Variants in HSD17B12 observed in about 807,000 individuals in gnomAD.
HSD17B12 encodes the protein very-long-chain 3-oxoacyl-CoA reductase.
Under a neutral mutation model 39.3 loss-of-function variants are expected in HSD17B12, and 32 were observed. The ratio of observed to expected loss-of-function variants is 0.81; its 90% CI spans 0.61 to 1.09. The LOEUF (loss-of-function observed/expected upper bound fraction) is 1.09. Among genes scored for constraint, HSD17B12 ranks in the 50% least tolerant of loss-of-function variants. The pLI, the probability that HSD17B12 is intolerant of heterozygous loss-of-function variation, is 0.00. For missense variants in HSD17B12, 342 were observed against 382.9 expected (o/e 0.89, Z 0.89); for synonymous variants, 150 against 146.7 (o/e 1.02, Z -0.16).
chr11:43,638,930 G>A, the HSD17B12 span, among the ~76,000 whole-genome samples: 1 of 152,064 alleles, frequency 6.6e-6, no homozygotes, highest in Admixed American at 6.5e-5. Context: ...AGATTTAAGG[G>A]CTCCCCACTG....
the HSD17B12 span, among the ~76,000 whole-genome samples, chr11:43,655,831 A>G: frequency 1.3e-5 from 2 of 152,148 alleles, no homozygotes; most frequent in Non-Finnish European, 2.9e-5. Context: ...GGATTTTTGC[A>G]TCAATGTTCA....
At chr11:43,750,295 C>T (rs962073675) in intron 1 of HSD17B12, among the ~76,000 whole-genome samples, 2 of 152,092 alleles carry the variant, frequency 1.3e-5, no homozygotes, top group African/African-American at 4.8e-5. Context: ...ATTAGTTTTA[C>T]CTTTTCTTAA....
chr11:43,799,854 C>G (rs1162256236), intron 4 of HSD17B12, among the ~76,000 whole-genome samples: 2 of 152,128 alleles, frequency 1.3e-5, no homozygotes, highest in Non-Finnish European at 2.9e-5. Context: ...AGTACTGTTG[C>G]ACCTGGCTTT....
At chr11:43,707,647 G>A (rs959462936) in intron 1 of HSD17B12, among the ~76,000 whole-genome samples, 2 of 152,222 alleles carry the variant, frequency 1.3e-5, no homozygotes, top group African/African-American at 2.4e-5. Context: ...GGCAGCCATT[G>A]AATTGTGTAG....
At chr11:43,565,618 A>G in the HSD17B12 span, among the ~76,000 whole-genome samples, 1 of 152,198 alleles carries the variant, frequency 6.6e-6, no homozygotes, top group African/African-American at 2.4e-5. Context: ...TTTTCCTTTA[A>G]GGTACAGGAC....
chr11:43,648,307 T>C, the HSD17B12 span, among the ~76,000 whole-genome samples: 1 of 152,092 alleles, frequency 6.6e-6, no homozygotes, highest in African/African-American at 2.4e-5. Context: ...TAATAAGTCA[T>C]TCTTGTCATA....
At position 43,842,802 on chromosome 11, in the gene HSD17B12, G is replaced by A. The variant is rs145817872; in HGVS notation, c.684+2738G>A. Among the ~76,000 whole-genome samples, 6 of 152,332 alleles carry A rather than the reference G, an allele frequency of 3.9e-5. No homozygotes were observed. In the East Asian group the frequency reaches 1.2e-3, roughly 29 times the overall value. On this transcript the variant is annotated intron_variant, in intron 9 of 10. Transcript: ENST00000278353. ...ATCCTAAAAAGGTCCATTGGTGATT[G>A]ACTATAAGCAGAGTGACCAGAAGCT...
chr11:43,689,674 G>C (rs1379288163), intron 1 of HSD17B12, among the ~76,000 whole-genome samples: 1 of 151,996 alleles, frequency 6.6e-6, no homozygotes, highest in Non-Finnish European at 1.5e-5. Context: ...AGCCCCCCAA[G>C]TAGCTGGGAC....
the HSD17B12 span, among the ~76,000 whole-genome samples, chr11:43,646,790 CTG>C: frequency 1.3e-5 from 2 of 152,170 alleles, no homozygotes; most frequent in African/African-American, 4.8e-5. Flanking sequence ...ATTTGGTACT[CTG>C]TTTCCCATCC....
At chr11:43,612,215 G>A in the HSD17B12 span, among the ~76,000 whole-genome samples, 4 of 151,960 alleles carry the variant, frequency 2.6e-5, no homozygotes, top group Non-Finnish European at 5.9e-5. Context: ...TTATAATTTG[G>A]GGTATTTTAT....
intron 3 of HSD17B12, among the ~76,000 whole-genome samples, chr11:43,788,350 T>G (rs1198032127): frequency 1.3e-5 from 2 of 152,220 alleles, no homozygotes; most frequent in African/African-American, 2.4e-5. Context: ...CACAGGAACA[T>G]TGCCTCATAT....
intron 9 of HSD17B12, chr11:43,853,864 C>G (rs1372067323): frequency 6.6e-6 from 1 of 152,182 alleles, no homozygotes; most frequent in Non-Finnish European, 1.5e-5. Context: ...ACAATACATT[C>G]ACTCTTTGTT....
intron 1 of HSD17B12, among the ~76,000 whole-genome samples, chr11:43,701,772 AG>A (rs781246858): frequency 6.6e-6 from 1 of 152,068 alleles, no homozygotes; most frequent in Non-Finnish European, 1.5e-5. Flanking sequence ...TGATTCTTCC[AG>A]TTTTGTCCTT....
chr11:43,624,667 TTAAAA>T, the HSD17B12 span, among the ~76,000 whole-genome samples: 3 of 151,856 alleles, frequency 2.0e-5, no homozygotes, highest in Non-Finnish European at 3.0e-5. Flanking sequence ...TCTGGTCAAC[TTAAAA>T]TAGATGATCT....
intron 1 of HSD17B12, among the ~76,000 whole-genome samples, chr11:43,698,911 T>C (rs1476723138): frequency 2.0e-5 from 3 of 152,242 alleles, no homozygotes; most frequent in East Asian, 1.9e-4. Flanking sequence ...TTATCTAATA[T>C]ATATCAATTT....
At chr11:43,810,367 T>TTTTATA (rs1181869252) in intron 4 of HSD17B12, among the ~76,000 whole-genome samples, 21 of 59,688 alleles carry the variant, frequency 3.5e-4, no homozygotes, top group African/African-American at 1.4e-3. Flanking sequence ...AATTTAGAAA[T>TTTTATA]TATATATATA....
intron 3 of HSD17B12, among the ~76,000 whole-genome samples, chr11:43,763,560 TG>T (rs1950570855): frequency 6.7e-6 from 1 of 149,810 alleles, no homozygotes; most frequent in South Asian, 2.1e-4. Flanking sequence ...AAGCTTTCTT[TG>T]TTGATTTCAA....
intron 6 of HSD17B12, among the ~76,000 whole-genome samples, chr11:43,817,180 T>C (rs1196245235): frequency 2.6e-5 from 4 of 152,076 alleles, no homozygotes; most frequent in Admixed American, 2.6e-4. Flanking sequence ...AGTCCACTTT[T>C]TCATGGGATT....
At chr11:43,650,308 A>G in the HSD17B12 span, among the ~76,000 whole-genome samples, 1 of 152,376 alleles carries the variant, frequency 6.6e-6, no homozygotes, top group East Asian at 1.9e-4. Flanking sequence ...AAAAATGCCA[A>G]GATTATGAAC....
Sources: allele counts gnomAD v4.1 joint callset (sites outside exome capture counted in the v4.1 genomes callset), GRCh38; gene constraint gnomAD v4.1.1; transcripts MANE v1.5; gene names NCBI Gene and HGNC (gene_info 2026-07-23, HGNC 2026-07-21).